MINDY2: variants seen among roughly 807,000 people sequenced by gnomAD.
MINDY2 encodes ubiquitin carboxyl-terminal hydrolase MINDY-2.
Under a neutral mutation model 68.2 loss-of-function variants are expected in MINDY2, and 52 were observed. The ratio of observed to expected loss-of-function variants is 0.76; its 90% confidence interval spans 0.61 to 0.96. The LOEUF (loss-of-function observed/expected upper bound fraction) is 0.96, where lower values mean the gene tolerates loss of function less well. Among genes scored for constraint, MINDY2 ranks in the 40% least tolerant of loss-of-function variants. The pLI, the probability that MINDY2 is intolerant of heterozygous loss-of-function variation, is 0.00. For missense variants in MINDY2, 881 were observed against 773.4 expected (o/e 1.14, Z -1.65); for synonymous variants, 372 against 303.0 (o/e 1.23, Z -2.36).
At chr15:58,838,034 C>T (rs551262366) in intron 6 of MINDY2, among the ~76,000 whole-genome samples, 6 of 149,224 alleles carry the variant, frequency 4.0e-5, no homozygotes, top group Non-Finnish European at 4.5e-5. Context: ...CATCTTTCTA[C>T]TCCTGTGAAC....
chr15:58,812,253 T>G (rs1292317419), intron 4 of MINDY2, among the ~76,000 whole-genome samples: 3 of 151,768 alleles, frequency 2.0e-5, no homozygotes, highest in Non-Finnish European at 4.4e-5. Context: ...CTGGCCAAGA[T>G]GGTGAAACCC....
chr15:58,831,041 G>GTGTATATATATATATATATATATATA (rs565786025), intron 5 of MINDY2, among the ~76,000 whole-genome samples: 17 of 124,912 alleles, frequency 1.4e-4, no homozygotes, highest in Admixed American at 3.3e-4. Context: ...GTGTGTGTGT[G>GTGTATATATATATATATATATATATA]TATATATATA....
rs1469824319 is a variant in MINDY2 at position 58,861,391 on chromosome 15, T to A, written c.*6781T>A. The A allele has an allele frequency of 6.6e-6, 1 of 152,214 alleles. No homozygotes were observed. The highest frequency in any genetic ancestry group is 2.4e-5 in the African/African-American group (1 of 41,474). 9.4% of individuals were successfully genotyped at this position (152,214 alleles called of 1,614,324 possible). Reference sequence around the variant, plus strand: ...ATTTTTTCCTCCTCCTTTCATTTTTTATCTTAATACCCATTTTACTTCTGA... The same window carrying A: ...ATTTTTTCCTCCTCCTTTCATTTTTAATCTTAATACCCATTTTACTTCTGA... On this transcript the variant is annotated 3_prime_UTR_variant, in exon 9 of 9. Transcript: ENST00000559228.
chr15:58,823,814 C>G (rs1424197934), intron 5 of MINDY2, among the ~76,000 whole-genome samples: 1 of 152,140 alleles, frequency 6.6e-6, no homozygotes, highest in Non-Finnish European at 1.5e-5. Flanking sequence ...AGTATATTCT[C>G]TCAATTAACA....
intron 5 of MINDY2, among the ~76,000 whole-genome samples, chr15:58,822,224 A>G (rs190672475): frequency 1.2e-3 from 189 of 151,304 alleles, no homozygotes; most frequent in African/African-American, 4.2e-3. Context: ...GCTGTACTCC[A>G]CCCTGGGCAA....
intron 7 of MINDY2, among the ~76,000 whole-genome samples, chr15:58,848,759 G>A (rs1480123455): frequency 1.3e-5 from 2 of 152,040 alleles, no homozygotes; most frequent in Non-Finnish European, 2.9e-5. Flanking sequence ...ACAAAAAAAA[G>A]AATATTTAAT....
rs377347458 is a variant in MINDY2, at chr15:58,772,091, C to T, written c.696C>T (p.Ala232=). 1.8e-5 allele frequency: 29 copies of T among 1,613,512 alleles called. No individual in the cohort carries two copies. The African/African-American group carries it at 3.7e-4, about 21-fold the overall frequency. ...EGEETAQVLA[A]SKERFPGQSV... is the part of the protein sequence containing the mutation. Reference sequence around the variant, plus strand: ...AGGAGACCGCTCAGGTGCTGGCGGCCTCCAAGGAACGCTTCCCGGGACAAT... The same window carrying T: ...AGGAGACCGCTCAGGTGCTGGCGGCTTCCAAGGAACGCTTCCCGGGACAAT... The change falls in exon 1 of 9, where the codon GCC becomes GCT. Residue 232 remains alanine, a synonymous_variant. Transcript: ENST00000559228.
At position 58,821,794 on chromosome 15, in the gene MINDY2, A is replaced by G; in HGVS notation, c.1200A>G (p.Ser400=). 6.3e-7 allele frequency: 1 copy of G among 1,591,708 alleles called. No homozygotes were observed. Among genetic ancestry groups the G allele is most frequent in the Non-Finnish European group, 8.5e-7 (1 of 1,171,934 alleles). ...LVEKIISCKQ[S]DNSELVSEGF... is the part of the protein sequence containing the mutation. ...AGAAGATCATCTCTTGTAAACAGTC[A>G]GACAATAGTGAGCTGGTTAGTGAAG... The change falls in exon 5 of 9, where the codon TCA becomes TCG. Residue 400 remains serine, a synonymous_variant. Transcript: ENST00000559228.
At chr15:58,848,690 G>A (rs1402938033) in intron 7 of MINDY2, among the ~76,000 whole-genome samples, 1 of 152,160 alleles carries the variant, frequency 6.6e-6, no homozygotes, top group East Asian at 1.9e-4. Context: ...AGCTTGCAGC[G>A]AGCCGAGATC....
intron 3 of MINDY2, among the ~76,000 whole-genome samples, chr15:58,803,613 T>C (rs1300972055): frequency 6.6e-6 from 1 of 151,688 alleles, no homozygotes; most frequent in Non-Finnish European, 1.5e-5. Context: ...GGCCAGGAGT[T>C]CGAGACCAGC....
chr15:58,831,554 G>C (rs868007222), intron 5 of MINDY2, among the ~76,000 whole-genome samples: 10 of 152,054 alleles, frequency 6.6e-5, no homozygotes, highest in African/African-American at 2.4e-4. Context: ...TTATAAAAAA[G>C]AATTTCACAT....
In MINDY2 at chr15:58,839,755, A is replaced by C. The variant is rs534186255; in HGVS notation, c.1369-7542A>C. Among the ~76,000 whole-genome samples the C allele has an allele frequency of 1.7e-4, 26 of 152,242 alleles. No individual in the cohort carries two copies. In the South Asian group the frequency reaches 5.0e-3, roughly 29 times the overall value. ...CTGTTTCTAAAACCTGCACCTGGACAAAGTATTCTCTGTTTATTAACTTCA... is the reference window on the plus strand; with the variant it reads ...CTGTTTCTAAAACCTGCACCTGGACCAAGTATTCTCTGTTTATTAACTTCA... On this transcript the variant is annotated intron_variant, in intron 6 of 8. Transcript: ENST00000559228.
At chr15:58,820,903 A>G (rs446126) in intron 4 of MINDY2, among the ~76,000 whole-genome samples, 82,524 of 151,298 alleles carry the variant, frequency 0.55, 24,921 homozygotes, top group East Asian at 0.94. Flanking sequence ...GTTTTATTAG[A>G]TATATAACTT....
intron 6 of MINDY2, among the ~76,000 whole-genome samples, chr15:58,845,970 T>G (rs1245319467): frequency 7.9e-5 from 12 of 152,140 alleles, no homozygotes; most frequent in African/African-American, 2.9e-4. Context: ...CGCATGTTCT[T>G]TCTTATTTTT....
chr15:58,823,031 AATTAC>A (rs1486210507), intron 5 of MINDY2, among the ~76,000 whole-genome samples: 5 of 152,164 alleles, frequency 3.3e-5, no homozygotes, highest in African/African-American at 1.2e-4. Context: ...GAATCCAACT[AATTAC>A]ATTACTTAAT....
intron 2 of MINDY2, among the ~76,000 whole-genome samples, chr15:58,799,343 G>A (rs1399428990): frequency 6.6e-6 from 1 of 152,166 alleles, no homozygotes; most frequent in Non-Finnish European, 1.5e-5. Context: ...CGAGGCAGGC[G>A]GATCACGAGG....
intron 6 of MINDY2, among the ~76,000 whole-genome samples, chr15:58,844,601 A>G (rs964198558): frequency 2.7e-5 from 4 of 146,738 alleles, no homozygotes; most frequent in Non-Finnish European, 6.0e-5. Context: ...GTTGACAGTG[A>G]ACCAGTTATA....
intron 1 of MINDY2, among the ~76,000 whole-genome samples, chr15:58,773,740 AC>A (rs1452537921): frequency 6.6e-6 from 1 of 152,156 alleles, no homozygotes; most frequent in Non-Finnish European, 1.5e-5. Flanking sequence ...GAGCAATTTA[AC>A]AGATCTTTTA....
At position 58,837,968 on chromosome 15, in the gene MINDY2, C is replaced by CAAAAA. The variant is rs34909401; in HGVS notation, c.1368+6070_1368+6074dup. 1.2e-3 allele frequency among the ~76,000 whole-genome samples: 91 copies of CAAAAA among 75,088 alleles called. 1 individual carries two copies. Among genetic ancestry groups the CAAAAA allele is most frequent in the African/African-American group, 1.8e-3 (40 of 21,826 alleles). 49.3% of individuals were successfully genotyped at this position (75,088 alleles called of 152,430 possible). Reference sequence around the variant, plus strand: ...TGGATGACAGAGTAAGACCTTCTTTCAAAAAAAAAAAAAAAAAAAAAAGGA... The same window carrying CAAAAA: ...TGGATGACAGAGTAAGACCTTCTTTCAAAAAAAAAAAAAAAAAAAAAAAAAAAGGA... On this transcript the variant is annotated intron_variant, in intron 6 of 8. Coordinates refer to ENST00000559228, the MANE Select transcript of MINDY2 (RefSeq NM_001040450.3).
Sources: allele counts gnomAD v4.1 joint callset (sites outside exome capture counted in the v4.1 genomes callset), GRCh38; gene constraint gnomAD v4.1.1; transcripts MANE v1.5; gene names NCBI Gene and HGNC (gene_info 2026-07-23, HGNC 2026-07-21).